The following SLC24A3 variants were observed in gnomAD, a reference collection of about 807,000 sequenced individuals.
SLC24A3 encodes solute carrier family 24 member 3.
SLC24A3 carries 28 observed loss-of-function variants against 75.8 expected under a neutral mutation model. That is an observed-to-expected ratio of 0.37 (90% CI 0.27 to 0.51). The LOEUF is 0.51. Ranked by LOEUF, SLC24A3 falls within the 20% of genes least tolerant of loss-of-function variation. The pLI is 0.94. For synonymous variants in SLC24A3, 372 were observed against 334.1 expected (o/e 1.11, Z -1.24); for missense variants, 663 against 847.8 (o/e 0.78, Z 2.71).
chr20:19,281,206 A>G, intron 2 of SLC24A3, 119 bp downstream of exon 2: 1 of 1,428,350 alleles, frequency 7.0e-7, no homozygotes, highest in Non-Finnish European at 9.4e-7. Context: ...AAAGATGTTT[A>G]GGATGGGAGT....
At chr20:19,278,458 A>G (rs1169991155) in intron 1 of SLC24A3, among the ~76,000 whole-genome samples, 2 of 152,210 alleles carry the variant, frequency 1.3e-5, no homozygotes, top group African/African-American at 4.8e-5. Context: ...CCAGCCTGAA[A>G]CAGAGGGGAT....
At chr20:19,275,508 G>T (rs1983457166) in intron 1 of SLC24A3, among the ~76,000 whole-genome samples, 1 of 152,190 alleles carries the variant, frequency 6.6e-6, no homozygotes, top group South Asian at 2.1e-4. Context: ...TGCAAGCCCT[G>T]TGGGACAAGG....
At chr20:19,517,478 G>A (rs986953080) in intron 3 of SLC24A3, among the ~76,000 whole-genome samples, 2 of 152,164 alleles carry the variant, frequency 1.3e-5, no homozygotes, top group Non-Finnish European at 2.9e-5. Context: ...GTCTGTGGTA[G>A]TGCATTTCCA....
intron 1 of SLC24A3, among the ~76,000 whole-genome samples, chr20:19,261,390 G>A (rs1250668042): frequency 6.6e-6 from 1 of 152,192 alleles, no homozygotes; most frequent in Non-Finnish European, 1.5e-5. Flanking sequence ...AGGCTGGAGT[G>A]CAGTGGTGTG....
chr20:19,698,410 T>C (rs544224034), intron 14 of SLC24A3, among the ~76,000 whole-genome samples, 158 bp from the exon 15 acceptor site: 1 of 152,364 alleles, frequency 6.6e-6, no homozygotes, highest in Admixed American at 6.5e-5. Flanking sequence ...TGTTTTATAA[T>C]TCATGTCATC....
At chr20:19,407,475 G>A (rs573059713) in intron 2 of SLC24A3, among the ~76,000 whole-genome samples, 48 of 152,232 alleles carry the variant, frequency 3.2e-4, no homozygotes, top group South Asian at 6.2e-4. Flanking sequence ...CTTTCATGTC[G>A]GACACAGAGG....
At chr20:19,337,486 TAAATA>T (rs1482432515) in intron 2 of SLC24A3, among the ~76,000 whole-genome samples, 5 of 150,818 alleles carry the variant, frequency 3.3e-5, no homozygotes, top group Non-Finnish European at 5.9e-5. Context: ...ATTAATTAAT[TAAATA>T]AAAGTCCACA....
At chr20:19,640,354 G>T (rs1459302819) in intron 6 of SLC24A3, among the ~76,000 whole-genome samples, 1 of 152,224 alleles carries the variant, frequency 6.6e-6, no homozygotes, top group African/African-American at 2.4e-5. Flanking sequence ...GCTGACCCCT[G>T]GTGAGGAAGG....
intron 2 of SLC24A3, among the ~76,000 whole-genome samples, chr20:19,500,773 A>ACG (rs1988372714): frequency 6.6e-6 from 1 of 152,182 alleles, no homozygotes; most frequent in Non-Finnish European, 1.5e-5. Flanking sequence ...GTGAGGTGCA[A>ACG]CACAGCTTCT....
intron 4 of SLC24A3, among the ~76,000 whole-genome samples, chr20:19,584,742 A>T (rs1276298658): frequency 1.3e-5 from 2 of 152,200 alleles, no homozygotes; most frequent in African/African-American, 2.4e-5. Flanking sequence ...CTTAAGGAGG[A>T]CATTGAGAGG....
intron 2 of SLC24A3, among the ~76,000 whole-genome samples, chr20:19,287,312 T>G (rs1456192793): frequency 6.6e-6 from 1 of 152,208 alleles, no homozygotes; most frequent in Admixed American, 6.5e-5. Flanking sequence ...CAGGGTTTTA[T>G]GGACTAGATG....
intron 2 of SLC24A3, among the ~76,000 whole-genome samples, chr20:19,365,676 A>G (rs1017999556): frequency 6.6e-6 from 1 of 152,244 alleles, no homozygotes; most frequent in African/African-American, 2.4e-5. Flanking sequence ...ACTTTACGTA[A>G]GAGTGAGTAA....
intron 2 of SLC24A3, among the ~76,000 whole-genome samples, chr20:19,393,980 A>G (rs113613478): frequency 1.9e-3 from 290 of 152,328 alleles, no homozygotes; most frequent in African/African-American, 6.7e-3. Flanking sequence ...TACAGTGATC[A>G]AAACAGTGTA....
chr20:19,262,296 G>A (rs1026803447), intron 1 of SLC24A3, among the ~76,000 whole-genome samples: 2 of 151,032 alleles, frequency 1.3e-5, no homozygotes, highest in East Asian at 1.9e-4. Context: ...TCCCAGCTAC[G>A]CGGGAGGCTG....
intron 16 of SLC24A3, among the ~76,000 whole-genome samples, chr20:19,720,082 C>A (rs1203733073): frequency 6.6e-6 from 1 of 152,156 alleles, no homozygotes; most frequent in Non-Finnish European, 1.5e-5. Context: ...TCTGTCACTG[C>A]CAATAGCAAC....
intron 6 of SLC24A3, among the ~76,000 whole-genome samples, chr20:19,589,647 T>TAAAG (rs2031345792): frequency 1.3e-5 from 2 of 152,184 alleles, no homozygotes; most frequent in South Asian, 4.1e-4. Context: ...AGGCAGACTA[T>TAAAG]AAAGTGTCTA....
chr20:19,486,762 A>G (rs1331092385), intron 2 of SLC24A3, among the ~76,000 whole-genome samples: 1 of 152,240 alleles, frequency 6.6e-6, no homozygotes, highest in African/African-American at 2.4e-5. Flanking sequence ...GTGATGAGGT[A>G]TGTCTCATGT....
chr20:19,353,494 G>C (rs753453491), intron 2 of SLC24A3, among the ~76,000 whole-genome samples: 1 of 152,166 alleles, frequency 6.6e-6, no homozygotes, highest in Non-Finnish European at 1.5e-5. Flanking sequence ...ACTGGAATCT[G>C]TTTGCTCATC....
At chr20:19,629,070 TA>T (rs1472759040) in intron 6 of SLC24A3, among the ~76,000 whole-genome samples, 1 of 152,088 alleles carries the variant, frequency 6.6e-6, no homozygotes, top group African/African-American at 2.4e-5. Flanking sequence ...AATAAAGATT[TA>T]TGAATTACCT....
Sources: gnomAD v4.1 joint callset for allele counts (sites outside exome capture counted in the v4.1 genomes callset) on GRCh38, gnomAD v4.1.1 for gene constraint, MANE v1.5 for transcripts, NCBI Gene and HGNC (gene_info 2026-07-23, HGNC 2026-07-21) for gene names.